The following TOPBP1 variants were observed in gnomAD, a reference collection of about 807,000 sequenced individuals.
TOPBP1 encodes DNA topoisomerase II binding protein 1.
Under a neutral mutation model 167.7 loss-of-function variants are expected in TOPBP1, and 28 were observed. The ratio of observed to expected loss-of-function variants is 0.17; its 90% CI spans 0.12 to 0.23. TOPBP1 has a LOEUF of 0.23. TOPBP1 is among the 10% of genes least tolerant of loss of function. TOPBP1 has a pLI of 1.00. For missense variants in TOPBP1, 1,554 were observed against 1,809.6 expected (o/e 0.86, Z 2.56); for synonymous variants, 598 against 611.4 (o/e 0.98, Z 0.32).
intron 23 of TOPBP1, among the ~76,000 whole-genome samples, chr3:133,615,345 C>T (rs550833998): frequency 4.3e-4 from 66 of 152,184 alleles, no homozygotes; most frequent in African/African-American, 1.4e-3. Flanking sequence ...GGCGTGGTGG[C>T]GCACACCTGT....
chr3:133,608,750 G>A (rs1934579119), intron 26 of TOPBP1, 54 bp from the exon 27 acceptor site: 2 of 1,596,592 alleles, frequency 1.3e-6, no homozygotes, highest in Non-Finnish European at 1.7e-6. Flanking sequence ...AAGTAGTTCA[G>A]CTGTATAATG....
intron 14 of TOPBP1, among the ~76,000 whole-genome samples, chr3:133,632,043 G>C (rs934790753): frequency 2.0e-5 from 3 of 152,186 alleles, no homozygotes; most frequent in Non-Finnish European, 4.4e-5. Flanking sequence ...GACCGTGATT[G>C]TAATTTTCCT....
chr3:133,605,033 T>C (rs566336786), intron 27 of TOPBP1, among the ~76,000 whole-genome samples: 1 of 151,920 alleles, frequency 6.6e-6, no homozygotes, highest in East Asian at 1.9e-4. Flanking sequence ...ACCCCGTCTC[T>C]ACCAAAAATA....
intron 3 of TOPBP1, among the ~76,000 whole-genome samples, chr3:133,658,188 G>A (rs1349412675): frequency 6.6e-6 from 1 of 152,204 alleles, no homozygotes; most frequent in Non-Finnish European, 1.5e-5. Context: ...TTCAGGCCAG[G>A]CACAGTGGCT....
Position 133,620,163 on chromosome 3 carries a change from C to G in TOPBP1, c.3363G>C (p.Glu1121Asp), listed in dbSNP as rs1363247550. 3 of 1,612,758 alleles carry G rather than the reference C, an allele frequency of 1.9e-6. No individual in the cohort carries two copies. The highest frequency in any genetic ancestry group is 2.5e-6 in the Non-Finnish European group (3 of 1,179,306). The change falls in exon 20 of 28, where the codon GAG becomes GAC. Residue 1121 changes from glutamate to aspartate, a missense_variant. Glu to Asp is a conservative substitution (Grantham distance 45). Around this residue, in one of 3 missense-constraint regions of TOPBP1, gnomAD observed 1,197 missense variants for 1,351.5 expected, o/e 0.89. Transcript: ENST00000260810. ...CAGTGACAGGTACACACCTCAGTGC[C>G]TCTAGGACTCTACTTCGTCCACTGC... ...SARSGRSRVL[E>D]ALRQSRQTVP...
chr3:133,634,538 A>AAGAT (rs1935602782), intron 14 of TOPBP1, among the ~76,000 whole-genome samples: 1 of 152,162 alleles, frequency 6.6e-6, no homozygotes, highest in Admixed American at 6.5e-5. Context: ...TAAAAGATAA[A>AAGAT]AGAAAAATCC....
intron 23 of TOPBP1, among the ~76,000 whole-genome samples, chr3:133,614,333 A>C (rs932079483): frequency 2.6e-5 from 4 of 152,088 alleles, no homozygotes; most frequent in African/African-American, 9.7e-5. Flanking sequence ...TGACAAAAAG[A>C]CAAGAAGGTA....
At chr3:133,647,558 T>C (rs1303719674) in intron 10 of TOPBP1, among the ~76,000 whole-genome samples, 3 of 152,044 alleles carry the variant, frequency 2.0e-5, no homozygotes, top group Non-Finnish European at 4.4e-5. Context: ...AAAATACAAA[T>C]ACAAAATGAC....
intron 16 of TOPBP1, among the ~76,000 whole-genome samples, chr3:133,625,936 T>C (rs1212476312): frequency 6.6e-6 from 1 of 151,984 alleles, no homozygotes; most frequent in Non-Finnish European, 1.5e-5. Flanking sequence ...AACAGAGGAG[T>C]ATTTTTGCCT....
intron 16 of TOPBP1, among the ~76,000 whole-genome samples, chr3:133,625,090 C>T (rs1559815666): frequency 6.6e-6 from 1 of 152,194 alleles, no homozygotes; most frequent in Admixed American, 6.5e-5. Flanking sequence ...TCTCAGCCTC[C>T]TGAGCAGCTG....
At chr3:133,623,003 T>G in intron 19 of TOPBP1, 88 bp downstream of exon 19, 1 of 703,824 alleles carries the variant, frequency 1.4e-6, no homozygotes, top group Non-Finnish European at 2.3e-6. Flanking sequence ...CAGACCAGTG[T>G]GGGCAAGATG....
intron 15 of TOPBP1, 39 bp from the exon 16 acceptor site, chr3:133,628,510 T>A (rs367572503): frequency 1.5e-4 from 236 of 1,604,416 alleles, no homozygotes; most frequent in Non-Finnish European, 1.9e-4. Flanking sequence ...CAGTCATTAT[T>A]GTTTGAAATG....
At chr3:133,641,779 C>T (rs1417810030) in intron 12 of TOPBP1, among the ~76,000 whole-genome samples, 1 of 152,156 alleles carries the variant, frequency 6.6e-6, no homozygotes, top group African/African-American at 2.4e-5. Flanking sequence ...ATGTTATTAT[C>T]TTCCACAATT....
In TOPBP1 at chr3:133,649,439, T is replaced by G. The variant is rs752452641; in HGVS notation, c.1448A>C (p.His483Pro). Residue 483 changes from histidine to proline, a missense_variant, in exon 10 of 28, where the codon CAT (histidine) becomes CCT (proline). Transcript: ENST00000260810. Reference sequence around the variant, plus strand: ...GAGCAGATCTTCATCAGCTTGCTCATGCTTTTCACTAGGAGCAAAGTCTTT... The same window carrying G: ...GAGCAGATCTTCATCAGCTTGCTCAGGCTTTTCACTAGGAGCAAAGTCTTT... ...SKKDFAPSEK[H>P]EQADEDLLSQ... 2.5e-5 allele frequency: 40 copies of G among 1,613,908 alleles called. 1 individual carries two copies. In the Admixed American group the frequency reaches 6.5e-4, roughly 26 times the overall value.
chr3:133,631,367 ACAC>A (rs1301847043), intron 14 of TOPBP1, among the ~76,000 whole-genome samples: 1 of 152,212 alleles, frequency 6.6e-6, no homozygotes, highest in African/African-American at 2.4e-5. Context: ...TATTCACGTG[ACAC>A]CACACTGTTT....
At position 133,653,391 on chromosome 3, in the gene TOPBP1, A is replaced by G. The variant is rs1936367126; in HGVS notation, c.876T>C (p.Thr292=). ...YKTEPRPEAK[T]MPNSSTPTSQ... Reference sequence around the variant, plus strand: ...TGGTAGGAGTTGAAGAATTGGGCATAGTCTTTGCTTCTGGTCTAGGTTCTG... The same window carrying G: ...TGGTAGGAGTTGAAGAATTGGGCATGGTCTTTGCTTCTGGTCTAGGTTCTG... The change falls in exon 7 of 28, where the codon ACT becomes ACC. Residue 292 remains threonine, a synonymous_variant. Transcript: ENST00000260810. 6.2e-7 allele frequency: 1 copy of G among 1,611,774 alleles called. No individual in the cohort carries two copies. Among genetic ancestry groups the G allele is most frequent in the Non-Finnish European group, 8.5e-7 (1 of 1,179,278 alleles).
At chr3:133,622,520 G>T (rs1299985189) in intron 19 of TOPBP1, among the ~76,000 whole-genome samples, 3 of 151,586 alleles carry the variant, frequency 2.0e-5, no homozygotes, top group Admixed American at 2.0e-4. Flanking sequence ...TTTTTTAATG[G>T]GGGAAAAACA....
chr3:133,628,669 G>A lies in TOPBP1; in HGVS notation c.2585C>T (p.Pro862Leu). The change falls in exon 15 of 28, where the codon CCA becomes CTA. Residue 862 changes from proline (P) to leucine (L), a missense_variant. Around this residue, in one of 3 missense-constraint regions of TOPBP1, gnomAD observed 1,197 missense variants for 1,351.5 expected, o/e 0.89. Coordinates refer to ENST00000260810, the MANE Select transcript of TOPBP1 (RefSeq NM_007027.4). ...PSQQKRKPST[P>L]LSEVIVKNLQ... ...GTTTTTGACAATAACTTCTGAGAGT[G>A]GCGTACTCGGTTTCCTTTTCTGTTG... 6.4e-7 allele frequency: 1 copy of A among 1,570,694 alleles called. No individual in the cohort carries two copies. Among genetic ancestry groups the A allele is most frequent in the Non-Finnish European group, 8.6e-7 (1 of 1,156,714 alleles).
Position 133,657,938 on chromosome 3 carries a change from C to A in TOPBP1, c.223G>T (p.Gly75Cys). ...ACTTGAGGACCAACAATTCTGCAGC[C>A]AAGCTACAAAAAAGAGAAAAGTTTA... ...GVVFDHLKKL[G>C]CRIVGPQVVI... Residue 75 changes from glycine (G) to cysteine (C), a missense_variant, in exon 4 of 28, where the codon GGC (glycine) becomes TGC (cysteine). This residue lies in a region of TOPBP1 where 1,197 missense variants were observed against 1,351.5 expected (regional missense o/e 0.89). Coordinates refer to ENST00000260810, the MANE Select transcript of TOPBP1 (RefSeq NM_007027.4). 6.5e-7 allele frequency: 1 copy of A among 1,545,836 alleles called. No homozygotes were observed. Among genetic ancestry groups the A allele is most frequent in the Non-Finnish European group, 8.7e-7 (1 of 1,154,222 alleles).
Sources: allele counts gnomAD v4.1 joint callset (sites outside exome capture counted in the v4.1 genomes callset), GRCh38; gene constraint gnomAD v4.1.1; regional missense constraint gnomAD v4.1.1; transcripts MANE v1.5; gene names NCBI Gene and HGNC (gene_info 2026-07-23, HGNC 2026-07-21).